The following ELAVL4 variants were observed in gnomAD, a reference collection of about 807,000 sequenced individuals.
ELAVL4 encodes ELAV-like protein 4.
Under a neutral mutation model 35.6 loss-of-function variants are expected in ELAVL4, and 1 was observed. The observed-to-expected ratio is 0.03, with a 90% CI of 0.01 to 0.13. The LOEUF is 0.13. ELAVL4 is among the 10% of genes least tolerant of loss of function. The pLI is 1.00. For missense variants in ELAVL4, 267 were observed against 464.9 expected (o/e 0.57, Z 3.91); for synonymous variants, 156 against 171.0 (o/e 0.91, Z 0.69).
intron 1 of ELAVL4, among the ~76,000 whole-genome samples, chr1:50,065,812 T>A (rs141987978): frequency 0.029 from 4,396 of 152,252 alleles, 106 homozygotes; most frequent in Admixed American, 0.042. Flanking sequence ...ACCAGGTTCT[T>A]TCACATGTGT....
At chr1:50,096,422 TA>T (rs1485890147) in intron 1 of ELAVL4, among the ~76,000 whole-genome samples, 1 of 149,018 alleles carries the variant, frequency 6.7e-6, no homozygotes, top group Non-Finnish European at 1.5e-5. Context: ...ATTACAGGCA[TA>T]AAGACAAGTG....
intron 2 of ELAVL4, among the ~76,000 whole-genome samples, chr1:50,149,020 C>A (rs979175241): frequency 1.3e-5 from 2 of 152,028 alleles, no homozygotes; most frequent in Non-Finnish European, 2.9e-5. Flanking sequence ...ATTATTATTT[C>A]TTTGCCTTTT....
At chr1:50,123,305 C>T (rs1669334796) in intron 1 of ELAVL4, among the ~76,000 whole-genome samples, 1 of 151,968 alleles carries the variant, frequency 6.6e-6, no homozygotes, top group South Asian at 2.1e-4. Flanking sequence ...CCAAGTGGCT[C>T]AGGGTACAGT....
intron 6 of ELAVL4, among the ~76,000 whole-genome samples, chr1:50,198,383 C>T (rs1644187812): frequency 6.6e-6 from 1 of 152,152 alleles, no homozygotes; most frequent in Non-Finnish European, 1.5e-5. Context: ...CTTTAATTCC[C>T]CTTCCTACAG....
chr1:50,186,812 A>G (rs1681892341), intron 3 of ELAVL4, among the ~76,000 whole-genome samples: 2 of 144,698 alleles, frequency 1.4e-5, no homozygotes, highest in Non-Finnish European at 3.0e-5. Context: ...AACTCATTAG[A>G]ACCATTTCCA....
intron 6 of ELAVL4, 34 bp from the exon 7 acceptor site, chr1:50,200,817 C>T: frequency 6.2e-7 from 1 of 1,600,768 alleles, no homozygotes; most frequent in East Asian, 2.2e-5. Flanking sequence ...AGACTGATGT[C>T]TGGACCAGTC....
At chr1:50,089,972 T>A (rs756718922) in intron 1 of ELAVL4, among the ~76,000 whole-genome samples, 1 of 152,100 alleles carries the variant, frequency 6.6e-6, no homozygotes. Flanking sequence ...TTAAGAGTCA[T>A]GTAAAAGCCT....
upstream of ELAVL4, among the ~76,000 whole-genome samples, chr1:50,101,657 G>T (rs1665984551): frequency 6.6e-6 from 1 of 151,956 alleles, no homozygotes; most frequent in African/African-American, 2.4e-5. Context: ...TATAATATTA[G>T]CACTTTGAGA....
intron 3 of ELAVL4, 36 bp from the exon 4 acceptor site, chr1:50,193,729 C>T: frequency 6.2e-7 from 1 of 1,600,654 alleles, no homozygotes; most frequent in Non-Finnish European, 8.5e-7. Flanking sequence ...AGGGTGATTG[C>T]CTATAATGGA....
chr1:50,094,064 T>G (rs750623338), intron 1 of ELAVL4, among the ~76,000 whole-genome samples: 8 of 152,228 alleles, frequency 5.3e-5, no homozygotes, highest in Admixed American at 4.6e-4. Flanking sequence ...CAGTATTGTC[T>G]GAAAGCACTT....
intron 1 of ELAVL4, among the ~76,000 whole-genome samples, chr1:50,073,445 A>G (rs985092870): frequency 2.0e-5 from 3 of 152,090 alleles, no homozygotes; most frequent in Admixed American, 2.0e-4. Flanking sequence ...TTTTTTTTAA[A>G]GCAAAGTAAT....
At chr1:50,119,863 TTA>T (rs1375398920) in intron 1 of ELAVL4, among the ~76,000 whole-genome samples, 2 of 151,860 alleles carry the variant, frequency 1.3e-5, no homozygotes, top group African/African-American at 2.4e-5. Flanking sequence ...TTTAATGTAA[TTA>T]GGGCAGGTAC....
intron 6 of ELAVL4, among the ~76,000 whole-genome samples, chr1:50,199,955 G>T (rs1644302973): frequency 6.6e-6 from 1 of 152,102 alleles, no homozygotes; most frequent in Non-Finnish European, 1.5e-5. Context: ...TAATACAAAA[G>T]CAGTTGTAAT....
intron 1 of ELAVL4, among the ~76,000 whole-genome samples, chr1:50,068,133 T>C (rs1347184482): frequency 1.3e-5 from 2 of 152,086 alleles, no homozygotes; most frequent in African/African-American, 4.8e-5. Context: ...TTAAGTGCTG[T>C]AAGGAAAATA....
upstream of ELAVL4, chr1:50,108,840 C>T (rs1666591521): frequency 1.1e-6 from 1 of 933,102 alleles, no homozygotes; most frequent in South Asian, 4.7e-5. Context: ...TGCAACGCCT[C>T]CCTTCGTTTC....
At chr1:50,192,529 A>G (rs1329422089) in intron 3 of ELAVL4, among the ~76,000 whole-genome samples, 4 of 147,264 alleles carry the variant, frequency 2.7e-5, no homozygotes, top group African/African-American at 7.9e-5. Flanking sequence ...GCACACACAC[A>G]CACACACACA....
At position 50,133,627 on chromosome 1, in the gene ELAVL4, G is replaced by GAAAGA. The variant is rs1553174522; in HGVS notation, c.10-11327_10-11323dup. 2.0e-5 allele frequency among the ~76,000 whole-genome samples: 3 copies of GAAAGA among 149,112 alleles called. No individual in the cohort carries two copies. In the South Asian group the frequency reaches 6.5e-4, roughly 32 times the overall value. ...AGAAAGAAAGAAAGAAAGAAAGAAA[G>GAAAGA]AAAGAAAGAAAGAAAGAAAGAAAGA... On this transcript the variant is annotated intron_variant, in intron 1 of 6. Transcript: ENST00000371824.
chr1:50,073,979 G>C (rs1664646476), intron 1 of ELAVL4, among the ~76,000 whole-genome samples: 1 of 152,182 alleles, frequency 6.6e-6, no homozygotes, highest in Non-Finnish European at 1.5e-5. Flanking sequence ...GCTAAGCATG[G>C]CTGCAAAGCA....
chr1:50,159,608 CAAAAT>C (rs1224766433), intron 2 of ELAVL4, among the ~76,000 whole-genome samples: 5 of 148,602 alleles, frequency 3.4e-5, no homozygotes, highest in Middle Eastern at 3.4e-3. Flanking sequence ...GATTCCATCT[CAAAAT>C]AAAAAAAAAA....
Sources: allele counts gnomAD v4.1 joint callset (sites outside exome capture counted in the v4.1 genomes callset), GRCh38; gene constraint gnomAD v4.1.1; transcripts MANE v1.5; gene names NCBI Gene and HGNC (gene_info 2026-07-23, HGNC 2026-07-21).